GALNTL6: variants seen among roughly 807,000 people sequenced by gnomAD.
The protein encoded by GALNTL6 is polypeptide N-acetylgalactosaminyltransferase like 6, also known as polypeptide N-acetylgalactosaminyltransferase-like 6.
GALNTL6 carries 46 observed loss-of-function variants against 73.7 expected under a neutral mutation model. That is an observed-to-expected ratio of 0.62 (90% confidence interval 0.49 to 0.80). The LOEUF is 0.80. Among genes scored for constraint, GALNTL6 ranks in the 30% least tolerant of loss-of-function variants. The pLI is 0.00. For missense variants in GALNTL6, 604 were observed against 755.0 expected (o/e 0.80, Z 2.34); for synonymous variants, 259 against 263.7 (o/e 0.98, Z 0.17).
intron 5 of GALNTL6, among the ~76,000 whole-genome samples, chr4:172,399,869 A>T (rs234125): frequency 2.6e-5 from 4 of 151,992 alleles, no homozygotes; most frequent in African/African-American, 9.7e-5. Flanking sequence ...ACTATTTGTT[A>T]AGATAGTTTT....
At chr4:171,831,996 T>G (rs1223408194) in intron 2 of GALNTL6, among the ~76,000 whole-genome samples, 1 of 151,450 alleles carries the variant, frequency 6.6e-6, no homozygotes, top group African/African-American at 2.4e-5. Context: ...AGTTACATAT[T>G]TCTACTTATT....
At chr4:172,711,428 G>C (rs1734696866) in intron 5 of GALNTL6, among the ~76,000 whole-genome samples, 1 of 152,106 alleles carries the variant, frequency 6.6e-6, no homozygotes, top group South Asian at 2.1e-4. Context: ...AGTAAAATAG[G>C]AAAAGAAGAT....
At chr4:172,307,488 G>T (rs1046575534) in intron 3 of GALNTL6, among the ~76,000 whole-genome samples, 2 of 152,076 alleles carry the variant, frequency 1.3e-5, no homozygotes, top group Non-Finnish European at 2.9e-5. Context: ...TATGATTTTA[G>T]GTCTAAGATT....
At chr4:172,619,907 T>C (rs1359532217) in intron 5 of GALNTL6, among the ~76,000 whole-genome samples, 1 of 152,218 alleles carries the variant, frequency 6.6e-6, no homozygotes, top group Non-Finnish European at 1.5e-5. Context: ...TCATTGAAGC[T>C]GCAAAGAAAC....
chr4:172,991,021 G>T (rs551502452), intron 10 of GALNTL6, among the ~76,000 whole-genome samples: 2 of 152,172 alleles, frequency 1.3e-5, no homozygotes, highest in South Asian at 4.1e-4. Context: ...AGCCAAAAAA[G>T]ACTTAATTTA....
At chr4:172,592,666 G>A (rs528088900) in intron 5 of GALNTL6, among the ~76,000 whole-genome samples, 113 of 109,402 alleles carry the variant, frequency 1.0e-3, no homozygotes, top group Non-Finnish European at 2.0e-3. Flanking sequence ...CTGTCTGTCT[G>A]TCTGTCTATC....
intron 5 of GALNTL6, among the ~76,000 whole-genome samples, chr4:172,584,163 G>A (rs1265862663): frequency 1.3e-5 from 2 of 152,016 alleles, no homozygotes; most frequent in Non-Finnish European, 2.9e-5. Flanking sequence ...GCAATAAAAT[G>A]TGAAGGCTCT....
intron 5 of GALNTL6, among the ~76,000 whole-genome samples, chr4:172,768,522 G>A (rs1579456543): frequency 6.6e-6 from 1 of 152,278 alleles, no homozygotes; most frequent in South Asian, 2.1e-4. Flanking sequence ...AGAGGAGTGT[G>A]GGTATACTCA....
chr4:172,267,990 G>A (rs1738508024), intron 3 of GALNTL6, among the ~76,000 whole-genome samples: 1 of 152,098 alleles, frequency 6.6e-6, no homozygotes, highest in South Asian at 2.1e-4. Flanking sequence ...GACTTTAAGG[G>A]TCATATTACC....
chr4:172,955,852 G>T (rs1270993402), intron 10 of GALNTL6, among the ~76,000 whole-genome samples: 1 of 151,574 alleles, frequency 6.6e-6, no homozygotes, highest in East Asian at 1.9e-4. Flanking sequence ...ACGGGTGGGG[G>T]TCACAAGGTG....
intron 5 of GALNTL6, among the ~76,000 whole-genome samples, chr4:172,417,281 A>G (rs1466832141): frequency 2.0e-5 from 3 of 152,060 alleles, no homozygotes; most frequent in Non-Finnish European, 2.9e-5. Flanking sequence ...TCACTATCCA[A>G]TGAAAGCAAT....
intron 5 of GALNTL6, among the ~76,000 whole-genome samples, chr4:172,466,664 A>T (rs1409615765): frequency 6.6e-6 from 1 of 152,230 alleles, no homozygotes; most frequent in Non-Finnish European, 1.5e-5. Flanking sequence ...ACATTTGAAG[A>T]AAAATAAAAC....
chr4:171,865,222 T>G (rs1735939548), intron 2 of GALNTL6, among the ~76,000 whole-genome samples: 2 of 152,092 alleles, frequency 1.3e-5, no homozygotes, highest in Admixed American at 1.3e-4. Flanking sequence ...TTGATAAATT[T>G]CAAGAAACCT....
intron 7 of GALNTL6, among the ~76,000 whole-genome samples, chr4:172,872,578 C>CA (rs1480185011): frequency 1.6e-4 from 24 of 152,114 alleles, no homozygotes; most frequent in Admixed American, 1.6e-3. Context: ...AGTTATCCTT[C>CA]AAAAAAGAAT....
chr4:172,407,772 C>A (rs759270077), intron 5 of GALNTL6, among the ~76,000 whole-genome samples: 2 of 151,848 alleles, frequency 1.3e-5, no homozygotes, highest in Non-Finnish European at 2.9e-5. Context: ...GGTTTTTTGT[C>A]CTATGCAGAA....
intron 7 of GALNTL6, among the ~76,000 whole-genome samples, chr4:172,818,885 C>T (rs951144504): frequency 6.6e-6 from 1 of 152,238 alleles, no homozygotes; most frequent in African/African-American, 2.4e-5. Flanking sequence ...GCATGAGCCA[C>T]CGCACTTGGC....
intron 2 of GALNTL6, among the ~76,000 whole-genome samples, chr4:172,053,743 A>G (rs1287059236): frequency 1.3e-5 from 2 of 152,160 alleles, no homozygotes; most frequent in Non-Finnish European, 2.9e-5. Flanking sequence ...GTGTGTATGT[A>G]TGCATGCATG....
intron 10 of GALNTL6, among the ~76,000 whole-genome samples, chr4:172,964,016 G>A (rs1750210088): frequency 6.6e-6 from 1 of 152,162 alleles, no homozygotes; most frequent in South Asian, 2.1e-4. Flanking sequence ...GAGTGGGGAG[G>A]TGATGAGTCC....
intron 5 of GALNTL6, among the ~76,000 whole-genome samples, chr4:172,749,012 C>T (rs533249306): frequency 3.3e-5 from 5 of 151,822 alleles, no homozygotes; most frequent in African/African-American, 1.2e-4. Flanking sequence ...CAGGCTGAAT[C>T]GGTCTTGCCA....
Sources: gnomAD v4.1 joint callset for allele counts (sites outside exome capture counted in the v4.1 genomes callset) on GRCh38, gnomAD v4.1.1 for gene constraint, MANE v1.5 for transcripts, NCBI Gene and HGNC (gene_info 2026-07-23, HGNC 2026-07-21) for gene names.